Variants in DAB1 observed in about 807,000 individuals in gnomAD.
DAB1 encodes DAB adaptor protein 1, also known as disabled homolog 1.
DAB1 carries 15 observed loss-of-function variants against 64.6 expected under a neutral mutation model. That is an observed-to-expected ratio of 0.23 (90% CI 0.16 to 0.36). DAB1 has a LOEUF of 0.36. Among genes scored for constraint, DAB1 ranks in the 10% least tolerant of loss-of-function variants. The pLI is 1.00. For synonymous variants in DAB1, 235 were observed against 251.9 expected (o/e 0.93, Z 0.64); for missense variants, 596 against 706.7 (o/e 0.84, Z 1.78).
intron 2 of DAB1, among the ~76,000 whole-genome samples, chr1:58,513,366 T>C (rs1646111143): frequency 6.6e-6 from 1 of 152,146 alleles, no homozygotes; most frequent in Non-Finnish European, 1.5e-5. Flanking sequence ...TACCCAGTCT[T>C]GGGTATTTCT....
At chr1:58,488,688 G>A (rs1645619640) in intron 3 of DAB1, among the ~76,000 whole-genome samples, 1 of 152,150 alleles carries the variant, frequency 6.6e-6, no homozygotes, top group South Asian at 2.1e-4. Flanking sequence ...CCGACCTCAG[G>A]TATCTCCTGC....
At chr1:57,427,468 A>G (rs969389023), upstream of DAB1, among the ~76,000 whole-genome samples, 1 of 152,242 alleles carries the variant, frequency 6.6e-6, no homozygotes, top group Non-Finnish European at 1.5e-5. Flanking sequence ...AAGATACTCA[A>G]AGGAGCAGCC....
At chr1:57,015,926 T>C (rs1466808328) in intron 11 of DAB1, among the ~76,000 whole-genome samples, 2 of 152,212 alleles carry the variant, frequency 1.3e-5, no homozygotes, top group Admixed American at 1.3e-4. Context: ...AATCTGAATG[T>C]TGGAGTTTTA....
At chr1:57,647,472 C>T (rs1646207011) in intron 7 of DAB1, among the ~76,000 whole-genome samples, 1 of 152,108 alleles carries the variant, frequency 6.6e-6, no homozygotes, top group African/African-American at 2.4e-5. Flanking sequence ...TTCCCCAAAC[C>T]ATGTAAATAA....
At chr1:57,560,244 C>G (rs1357611103) in intron 7 of DAB1, among the ~76,000 whole-genome samples, 5 of 152,234 alleles carry the variant, frequency 3.3e-5, no homozygotes, top group Admixed American at 2.6e-4. Context: ...TAATCTTATT[C>G]AGAGAGAGCT....
At chr1:58,087,585 C>T (rs564743555) in intron 5 of DAB1, among the ~76,000 whole-genome samples, 2 of 152,216 alleles carry the variant, frequency 1.3e-5, no homozygotes, top group South Asian at 4.2e-4. Context: ...CCCCAAACCC[C>T]CATCCCATAG....
chr1:58,478,123 G>A (rs1018461866), intron 3 of DAB1, among the ~76,000 whole-genome samples: 1 of 152,040 alleles, frequency 6.6e-6, no homozygotes, highest in Non-Finnish European at 1.5e-5. Flanking sequence ...TTGAATCATG[G>A]GGGCAGTTTC....
intron 5 of DAB1, among the ~76,000 whole-genome samples, chr1:57,895,727 C>A (rs1644382796): frequency 6.6e-6 from 1 of 152,138 alleles, no homozygotes. Context: ...AGCTTCACTG[C>A]CTGCCATTAT....
intron 4 of DAB1, among the ~76,000 whole-genome samples, chr1:58,180,554 C>T (rs1043004163): frequency 6.6e-6 from 1 of 151,904 alleles, no homozygotes; most frequent in Non-Finnish European, 1.5e-5. Context: ...CTTGGCTTCC[C>T]GAAGTGCTGG....
intron 5 of DAB1, among the ~76,000 whole-genome samples, chr1:58,026,592 T>C (rs142880528): frequency 2.6e-5 from 4 of 152,294 alleles, no homozygotes; most frequent in African/African-American, 9.6e-5. Context: ...GTCCTAGAAA[T>C]AGAAGACTCC....
chr1:58,312,208 C>T (rs1037022216), intron 4 of DAB1, among the ~76,000 whole-genome samples: 12 of 152,090 alleles, frequency 7.9e-5, no homozygotes, highest in Admixed American at 5.2e-4. Context: ...GAGAGCAGGG[C>T]GATGCAAAAG....
chr1:57,529,777 T>C (rs1644639050), intron 7 of DAB1, among the ~76,000 whole-genome samples: 1 of 152,118 alleles, frequency 6.6e-6, no homozygotes, highest in African/African-American at 2.4e-5. Context: ...AAAAATAGTA[T>C]CATAAGCTTC....
At chr1:57,690,921 T>C (rs1646756038) in intron 6 of DAB1, among the ~76,000 whole-genome samples, 1 of 152,206 alleles carries the variant, frequency 6.6e-6, no homozygotes, top group Non-Finnish European at 1.5e-5. Context: ...TTTATATGCC[T>C]GTTTACCATT....
At chr1:57,026,430 C>A (rs1646791000) in intron 9 of DAB1, among the ~76,000 whole-genome samples, 1 of 152,174 alleles carries the variant, frequency 6.6e-6, no homozygotes, top group Non-Finnish European at 1.5e-5. Context: ...ACACATACAA[C>A]TTGCCTTCCA....
chr1:57,554,967 A>G (rs2101487587), intron 7 of DAB1, among the ~76,000 whole-genome samples: 1 of 152,016 alleles, frequency 6.6e-6, no homozygotes, highest in South Asian at 2.1e-4. Context: ...CTCAGGCTAA[A>G]TCTAGATTCT....
At chr1:58,177,257 T>C (rs1341829474) in intron 4 of DAB1, among the ~76,000 whole-genome samples, 1 of 152,142 alleles carries the variant, frequency 6.6e-6, no homozygotes, top group African/African-American at 2.4e-5. Flanking sequence ...GGGCTATTCT[T>C]CTCACTTAGA....
At chr1:57,764,729 C>T (rs981269588) in intron 6 of DAB1, among the ~76,000 whole-genome samples, 4 of 152,088 alleles carry the variant, frequency 2.6e-5, no homozygotes, top group African/African-American at 9.7e-5. Context: ...GTTTTTGAGA[C>T]ATCAAGATTG....
intron 7 of DAB1, among the ~76,000 whole-genome samples, chr1:57,436,394 C>T (rs371353987): frequency 2.1e-4 from 32 of 152,230 alleles, no homozygotes; most frequent in South Asian, 8.3e-4. Flanking sequence ...AAGAGCTGCG[C>T]GTTTCAATAT....
intron 7 of DAB1, among the ~76,000 whole-genome samples, chr1:57,432,752 T>C (rs556625142): frequency 6.6e-6 from 1 of 152,334 alleles, no homozygotes; most frequent in South Asian, 2.1e-4. Flanking sequence ...TCTTTTTCAC[T>C]TTCAACCAAA....
Sources: allele counts gnomAD v4.1 joint callset (sites outside exome capture counted in the v4.1 genomes callset), GRCh38; gene constraint gnomAD v4.1.1; transcripts MANE v1.5; gene names NCBI Gene and HGNC (gene_info 2026-07-23, HGNC 2026-07-21).